Variants in LEPR observed in about 807,000 individuals in gnomAD.
LEPR encodes leptin receptor.
Under a neutral mutation model 114.7 loss-of-function variants are expected in LEPR, and 56 were observed. The observed-to-expected ratio is 0.49, with a 90% CI of 0.39 to 0.61. LEPR has a LOEUF of 0.61. Ranked by LOEUF, LEPR falls within the 20% of genes least tolerant of loss-of-function variation. The pLI is 0.00. For missense variants in LEPR, 1,202 were observed against 1,352.9 expected (o/e 0.89, Z 1.75); for synonymous variants, 443 against 461.4 (o/e 0.96, Z 0.51).
At chr1:65,552,731 G>T (rs886176874) in intron 2 of LEPR, among the ~76,000 whole-genome samples, 7 of 152,062 alleles carry the variant, frequency 4.6e-5, no homozygotes, top group African/African-American at 1.7e-4. Context: ...AGTTAATATT[G>T]TTATGTGTGA....
At chr1:65,422,500 T>C (rs1048077523) in intron 1 of LEPR, among the ~76,000 whole-genome samples, 2 of 152,228 alleles carry the variant, frequency 1.3e-5, no homozygotes, top group Non-Finnish European at 2.9e-5. Context: ...CCATCCAGTT[T>C]GTGGTACTTT....
chr1:65,492,173 A>G (rs1647907778), intron 2 of LEPR, among the ~76,000 whole-genome samples: 1 of 152,078 alleles, frequency 6.6e-6, no homozygotes, highest in Admixed American at 6.6e-5. Flanking sequence ...GTGGGGGTAA[A>G]AGACTCATTA....
At chr1:65,473,034 C>G (rs1427149044) in intron 2 of LEPR, among the ~76,000 whole-genome samples, 1 of 152,226 alleles carries the variant, frequency 6.6e-6, no homozygotes, top group Non-Finnish European at 1.5e-5. Flanking sequence ...AATTATCTTT[C>G]TGACAGGTGC....
intron 2 of LEPR, among the ~76,000 whole-genome samples, chr1:65,522,619 C>T (rs1464115291): frequency 6.6e-6 from 1 of 152,170 alleles, no homozygotes; most frequent in Non-Finnish European, 1.5e-5. Flanking sequence ...TCAATATTCT[C>T]AACTTAATAG....
chr1:65,500,764 G>C (rs576556365), intron 2 of LEPR, among the ~76,000 whole-genome samples: 1 of 152,198 alleles, frequency 6.6e-6, no homozygotes, highest in South Asian at 2.1e-4. Context: ...GGAGTCAAAA[G>C]TTATATGCAA....
intron 2 of LEPR, among the ~76,000 whole-genome samples, chr1:65,452,490 G>A (rs561785309): frequency 6.6e-6 from 1 of 151,012 alleles, no homozygotes; most frequent in African/African-American, 2.4e-5. Flanking sequence ...TAGCATGAAG[G>A]GTTGTTGAAT....
intron 2 of LEPR, among the ~76,000 whole-genome samples, chr1:65,563,365 A>C (rs1222456329): frequency 5.4e-4 from 36 of 66,716 alleles, no homozygotes; most frequent in African/African-American, 1.9e-3. Context: ...AGGCTTCTGC[A>C]TTCTTCACGT....
At chr1:65,506,473 A>G (rs1049630056) in intron 2 of LEPR, among the ~76,000 whole-genome samples, 2 of 152,240 alleles carry the variant, frequency 1.3e-5, no homozygotes, top group African/African-American at 4.8e-5. Flanking sequence ...AGTTTTAGCA[A>G]GAAGTTGCAA....
intron 2 of LEPR, among the ~76,000 whole-genome samples, chr1:65,534,930 A>T (rs971906755): frequency 2.6e-5 from 4 of 152,188 alleles, no homozygotes; most frequent in African/African-American, 9.7e-5. Flanking sequence ...TTTTCTCAGA[A>T]TTAATTATAC....
intron 15 of LEPR, among the ~76,000 whole-genome samples, chr1:65,616,802 T>A (rs1327126985): frequency 6.6e-6 from 1 of 152,124 alleles, no homozygotes; most frequent in Non-Finnish European, 1.5e-5. Flanking sequence ...CTAGTCTAGA[T>A]TACATATTCA....
chr1:65,422,029 C>G (rs1354171998), intron 1 of LEPR, among the ~76,000 whole-genome samples: 1 of 152,084 alleles, frequency 6.6e-6, no homozygotes, highest in East Asian at 1.9e-4. Context: ...ATTACTATGT[C>G]AGTGTTTATG....
intron 2 of LEPR, among the ~76,000 whole-genome samples, chr1:65,436,289 C>A (rs1326226152): frequency 6.6e-6 from 1 of 152,158 alleles, no homozygotes; most frequent in Non-Finnish European, 1.5e-5. Flanking sequence ...AGAAAAAAAC[C>A]TGACACCTTA....
intron 2 of LEPR, among the ~76,000 whole-genome samples, chr1:65,470,483 A>C (rs1206865625): frequency 2.0e-5 from 3 of 152,224 alleles, no homozygotes; most frequent in Non-Finnish European, 4.4e-5. Flanking sequence ...TATGTGAGAA[A>C]ACACTTATTA....
chr1:65,551,383 C>A (rs1570673303), intron 2 of LEPR, among the ~76,000 whole-genome samples: 1 of 152,040 alleles, frequency 6.6e-6, no homozygotes, highest in Non-Finnish European at 1.5e-5. Context: ...ATTACTGGCT[C>A]AATTTCAGAC....
At chr1:65,486,251 A>G (rs1049853359) in intron 2 of LEPR, among the ~76,000 whole-genome samples, 2 of 152,140 alleles carry the variant, frequency 1.3e-5, no homozygotes, top group African/African-American at 4.8e-5. Flanking sequence ...GTAACAGTCA[A>G]ATTTCACTCA....
intron 2 of LEPR, among the ~76,000 whole-genome samples, chr1:65,541,112 C>T (rs541158380): frequency 1.3e-5 from 2 of 152,242 alleles, no homozygotes; most frequent in South Asian, 2.1e-4. Context: ...CATGAGCCAC[C>T]GTGCCTAGTC....
intron 5 of LEPR, among the ~76,000 whole-genome samples, chr1:65,575,233 A>T (rs575879995): frequency 2.0e-5 from 3 of 152,270 alleles, no homozygotes; most frequent in African/African-American, 7.2e-5. Context: ...GAATTTAGGT[A>T]GCAGAGGAGA....
intron 2 of LEPR, among the ~76,000 whole-genome samples, chr1:65,522,210 T>C (rs577548025): frequency 1.3e-5 from 2 of 152,308 alleles, no homozygotes; most frequent in South Asian, 4.1e-4. Context: ...TGTGCTTTTC[T>C]TTGTCAACTT....
Position 65,636,297 on chromosome 1 carries a change from C to T in LEPR, c.2780C>T (p.Ser927Leu). ...TCAGAAGATATCAGTGTTGATACAT[C>T]ATGGAAAAATAAAGATGAGATGATG... ...TISEDISVDT[S>L]WKNKDEMMPT... is the part of the protein sequence containing the mutation. The change falls in exon 20 of 20, where the codon TCA (serine) becomes TTA (leucine). Residue 927 changes from serine to leucine, a missense_variant. Physicochemically the swap from Ser to Leu is moderately radical, Grantham distance 145. Transcript: ENST00000349533. The T allele has an allele frequency of 6.2e-7, 1 of 1,613,948 alleles. No individual in the cohort carries two copies.
Sources: allele counts gnomAD v4.1 joint callset (sites outside exome capture counted in the v4.1 genomes callset), GRCh38; gene constraint gnomAD v4.1.1; transcripts MANE v1.5; gene names NCBI Gene and HGNC (gene_info 2026-07-23, HGNC 2026-07-21).